Variants in FAM171A1 observed in about 807,000 individuals in gnomAD.
The protein encoded by FAM171A1 is family with sequence similarity 171 member A1.
In FAM171A1, 23 loss-of-function variants were observed where a neutral mutation model predicts 74.9. The ratio of observed to expected loss-of-function variants is 0.31; its 90% CI spans 0.22 to 0.44. FAM171A1 has a LOEUF of 0.44. Among genes scored for constraint, FAM171A1 ranks in the 20% least tolerant of loss-of-function variants. The probability of loss-of-function intolerance (pLI) is 1.00; values close to 1 mark genes in which losing one functional copy is unlikely to be tolerated. For synonymous variants in FAM171A1, 527 were observed against 505.7 expected (o/e 1.04, Z -0.57); for missense variants, 1,162 against 1,159.2 (o/e 1.00, Z -0.03).
At position 15,270,064 on chromosome 10, in the gene FAM171A1, C is replaced by A. The variant is rs558402403; in HGVS notation, c.418+5791G>T. ...CTTGTCGGACAGTAGGTGCAGCCCACGGAGCATGGCGGAGCATCGCCTCAC... is the reference window on the plus strand; with the variant it reads ...CTTGTCGGACAGTAGGTGCAGCCCAAGGAGCATGGCGGAGCATCGCCTCAC... On this transcript the variant is annotated intron_variant, in intron 3 of 7. Coordinates refer to ENST00000378116, the MANE Select transcript of FAM171A1 (RefSeq NM_001010924.2). 5.9e-5 allele frequency among the ~76,000 whole-genome samples: 9 copies of A among 152,240 alleles called. No individual in the cohort carries two copies. In the East Asian group the frequency reaches 1.7e-3, roughly 29 times the overall value.
rs201092346 is a variant in FAM171A1, at chr10:15,309,285, GC to G, written c.98-25181del. Among the ~76,000 whole-genome samples, 528 of 152,240 alleles carry G rather than the reference GC, an allele frequency of 3.5e-3. 7 individuals are homozygous for G. The highest frequency in any genetic ancestry group is 0.012 in the African/African-American group (481 of 41,530). ...GTGCAGGGGCACGATCATGGCTCAC[GC>G]AGCCTCGGCCTCCCAGGCTCAAGCG... On this transcript the variant is annotated intron_variant, in intron 1 of 7. Transcript: ENST00000378116.
chr10:15,276,334 C>T (rs1474322454), intron 2 of FAM171A1, among the ~76,000 whole-genome samples: 2 of 152,160 alleles, frequency 1.3e-5, no homozygotes, highest in African/African-American at 4.8e-5. Flanking sequence ...GCACCTGCCA[C>T]CATGCCCAGA....
In FAM171A1 at chr10:15,214,499, G is replaced by A; in HGVS notation, c.1089C>T (p.Asn363=). The A allele has an allele frequency of 6.2e-7, 1 of 1,614,204 alleles. No individual in the cohort carries two copies. Among genetic ancestry groups the A allele is most frequent in the Non-Finnish European group, 8.5e-7 (1 of 1,180,044 alleles). ...CTGACGCTCGGCGTGAAAACAGCAA[G>A]TTAATGTGTGACATGGACGTGGACT... ...RDQSTSMSHI[N]LLFSRRASEF... Residue 363 remains asparagine (N), a synonymous_variant, in exon 8 of 8, where the codon AAC becomes AAT. Coordinates refer to ENST00000378116, the MANE Select transcript of FAM171A1 (RefSeq NM_001010924.2).
At chr10:15,218,076 T>A (rs766570218) in intron 6 of FAM171A1, among the ~76,000 whole-genome samples, 1 of 151,064 alleles carries the variant, frequency 6.6e-6, no homozygotes, top group African/African-American at 2.5e-5. Flanking sequence ...CAAAGCATTA[T>A]TGTTTTGTTT....
chr10:15,308,913 G>A (rs887941208), intron 1 of FAM171A1, among the ~76,000 whole-genome samples: 14 of 151,936 alleles, frequency 9.2e-5, no homozygotes, highest in Admixed American at 2.6e-4. Context: ...TGATCCACCC[G>A]CCTCAGCCTC....
chr10:15,288,427 C>T (rs898581158), intron 1 of FAM171A1, among the ~76,000 whole-genome samples: 2 of 152,004 alleles, frequency 1.3e-5, no homozygotes, highest in Non-Finnish European at 1.5e-5. Flanking sequence ...TACACTGAAT[C>T]CAGTGTGTAG....
Position 15,243,802 on chromosome 10 carries a change from TA to T in FAM171A1, c.754+4836del, listed in dbSNP as rs1402046021. Among the ~76,000 whole-genome samples the T allele has an allele frequency of 8.4e-4, 13 of 15,416 alleles. No individual in the cohort carries two copies. The South Asian group carries it at 0.02, about 23-fold the overall frequency. The allele number at this position is 15,416 out of a possible 152,430, so 10.1% of individuals were successfully genotyped here. A position where few individuals can be genotyped will look rare whatever the true frequency, so the allele number is the denominator to read the frequency against. On this transcript the variant is annotated intron_variant, in intron 5 of 7. Transcript: ENST00000378116. ...AAATTCTATGTATACAGTCAATGTA[TA>T]CATTGACTGAGCAGCTCACCGCAAG...
intron 1 of FAM171A1, among the ~76,000 whole-genome samples, chr10:15,320,269 G>A (rs1030516915): frequency 1.3e-5 from 2 of 152,224 alleles, no homozygotes; most frequent in African/African-American, 4.8e-5. Flanking sequence ...ATGGCCTCCA[G>A]TTGATCCATG....
chr10:15,333,514 T>C (rs1588559085), intron 1 of FAM171A1, among the ~76,000 whole-genome samples: 1 of 146,422 alleles, frequency 6.8e-6, no homozygotes. Flanking sequence ...AACAAACAAA[T>C]AGACAACCAA....
At chr10:15,248,854 G>A in intron 4 of FAM171A1, 39 bp from the exon 5 acceptor site, 1 of 1,575,864 alleles carries the variant, frequency 6.3e-7, no homozygotes, top group Non-Finnish European at 8.6e-7. Flanking sequence ...TGCATGCAAA[G>A]TACCCATGTG....
intron 3 of FAM171A1, among the ~76,000 whole-genome samples, chr10:15,264,757 G>A (rs1834716203): frequency 6.6e-6 from 1 of 151,986 alleles, no homozygotes; most frequent in Non-Finnish European, 1.5e-5. Context: ...CATTCCAGCT[G>A]GGTGACAGTG....
rs577958428 is a variant in FAM171A1 at position 15,259,553 on chromosome 10, G to A, written c.419-4674C>T. Among the ~76,000 whole-genome samples, 5 of 152,254 alleles carry A rather than the reference G, an allele frequency of 3.3e-5. No individual in the cohort carries two copies. The East Asian group carries it at 5.8e-4, about 18-fold the overall frequency. ...ATCAGTGCTTTAGAATTTACAAAGT[G>A]CATAAATAAAAATATGTTATTTAAT... On this transcript the variant is annotated intron_variant, in intron 3 of 7. Coordinates refer to ENST00000378116, the MANE Select transcript of FAM171A1 (RefSeq NM_001010924.2).
chr10:15,231,675 C>T (rs1363991813), intron 5 of FAM171A1, among the ~76,000 whole-genome samples: 1 of 151,918 alleles, frequency 6.6e-6, no homozygotes, highest in African/African-American at 2.4e-5. Context: ...TACCATGTGG[C>T]TGTAGCGGGT....
In FAM171A1 at chr10:15,219,569, G is replaced by A. The variant is rs118017658; in HGVS notation, c.871+1375C>T. 1.1e-3 allele frequency among the ~76,000 whole-genome samples: 166 copies of A among 152,204 alleles called. No homozygotes were observed. The East Asian group carries it at 0.027, about 25-fold the overall frequency. On this transcript the variant is annotated intron_variant, in intron 6 of 7. Transcript: ENST00000378116. ...TCACTACAAAAACAATAGCATCAAG[G>A]GAAACACATTAATCTTTTTTTTCTT...
At position 15,213,633 on chromosome 10, in the gene FAM171A1, C is replaced by A; in HGVS notation, c.1955G>T (p.Gly652Val). Residue 652 changes from glycine to valine, a missense_variant, in exon 8 of 8, where the codon GGC (glycine) becomes GTC (valine). Coordinates refer to ENST00000378116, the MANE Select transcript of FAM171A1 (RefSeq NM_001010924.2). This position sits in a 1 kb window ranked among gnomAD's most constrained non-coding sequence, Gnocchi z 6.8. ...GTTCTGAGGGCTCCACTCCCGGGTGCCCGCATCCTGCAGGTGCTGCTGAGA... is the reference window on the plus strand; with the variant it reads ...GTTCTGAGGGCTCCACTCCCGGGTGACCGCATCCTGCAGGTGCTGCTGAGA... Reference protein sequence around the residue: ...AISQQHLQDAGTREWSPQNAS... With the variant: ...AISQQHLQDAVTREWSPQNAS... The A allele has an allele frequency of 6.2e-7, 1 of 1,614,096 alleles. No homozygotes were observed. Among genetic ancestry groups the A allele is most frequent in the South Asian group, 1.1e-5 (1 of 91,076 alleles).
chr10:15,295,350 T>G (rs1019997085), intron 1 of FAM171A1, among the ~76,000 whole-genome samples: 4 of 152,240 alleles, frequency 2.6e-5, no homozygotes, highest in Non-Finnish European at 5.9e-5. Context: ...TTCCAAAACA[T>G]GTACTATTCC....
intron 3 of FAM171A1, among the ~76,000 whole-genome samples, chr10:15,271,250 G>T (rs1471058040): frequency 2.0e-5 from 3 of 152,222 alleles, no homozygotes; most frequent in Non-Finnish European, 4.4e-5. Context: ...ACAAGCTTCA[G>T]TAGCAGATTC....
chr10:15,368,529 A>T (rs964398906), intron 1 of FAM171A1, among the ~76,000 whole-genome samples: 1 of 152,214 alleles, frequency 6.6e-6, no homozygotes, highest in South Asian at 2.1e-4. Context: ...TAAAAGCAAG[A>T]TTCTTACAAA....
At chr10:15,299,091 T>C (rs895961389) in intron 1 of FAM171A1, among the ~76,000 whole-genome samples, 22 of 152,130 alleles carry the variant, frequency 1.4e-4, no homozygotes, top group Admixed American at 1.3e-3. Flanking sequence ...CGGTGAATTT[T>C]TGTATTTTTA....
Sources: allele counts gnomAD v4.1 joint callset (sites outside exome capture counted in the v4.1 genomes callset), GRCh38; gene constraint gnomAD v4.1.1; non-coding constraint Gnocchi (gnomAD v3.1); transcripts MANE v1.5; gene names NCBI Gene and HGNC (gene_info 2026-07-23, HGNC 2026-07-21).